ERC1: variants seen among roughly 807,000 people sequenced by gnomAD.
ERC1 encodes RAB6 interacting protein 2.
A neutral mutation model predicts 132.0 loss-of-function variants in ERC1; 56 were observed. The ratio of observed to expected loss-of-function variants is 0.42; its 90% CI spans 0.34 to 0.53. The LOEUF is 0.53. ERC1 is among the 20% of genes least tolerant of loss of function. The pLI, the probability that ERC1 is intolerant of heterozygous loss-of-function variation, is 0.03. For missense variants in ERC1, 1,202 were observed against 1,349.9 expected, an observed-to-expected ratio of 0.89 and a Z score of 1.72; for synonymous variants, 478 against 476.1, an observed-to-expected ratio of 1.00 and a Z score of -0.05.
intron 15 of ERC1, among the ~76,000 whole-genome samples, chr12:1,296,110 A>G (rs2079911856): frequency 6.6e-6 from 1 of 152,076 alleles, no homozygotes; most frequent in Non-Finnish European, 1.5e-5. Context: ...TCAACAGAGA[A>G]AGGAAAAGTA....
intron 18 of ERC1, among the ~76,000 whole-genome samples, chr12:1,454,740 A>G (rs2093494425): frequency 6.6e-6 from 1 of 152,098 alleles, no homozygotes; most frequent in South Asian, 2.1e-4. Context: ...ATTGGTGTGC[A>G]TTTTTACAGT....
At position 1,130,665 on chromosome 12, in the gene ERC1, G is replaced by T. The variant is rs1186447742; in HGVS notation, c.1570-10955G>T. ...TTTTTTAAACTATGTACTGTGGAAT[G>T]ACTCATTTCTACCTTGACTATTTTG... On this transcript the variant is annotated intron_variant, in intron 7 of 18. Transcript: ENST00000360905. Among the ~76,000 whole-genome samples, 7 of 146,368 alleles carry T rather than the reference G, an allele frequency of 4.8e-5. No homozygotes were observed. In the Admixed American group the frequency reaches 4.8e-4, roughly 10 times the overall value.
At chr12:1,310,344 A>T (rs2081215772) in intron 15 of ERC1, among the ~76,000 whole-genome samples, 2 of 151,954 alleles carry the variant, frequency 1.3e-5, no homozygotes, top group Admixed American at 1.3e-4. Flanking sequence ...GTAGCTGGGA[A>T]TACAGGTGCG....
At chr12:1,197,846 T>C (rs1026641306) in intron 12 of ERC1, among the ~76,000 whole-genome samples, 2 of 152,220 alleles carry the variant, frequency 1.3e-5, no homozygotes, top group Non-Finnish European at 1.5e-5. Flanking sequence ...ATCCCAGTTA[T>C]CATGTGCCCA....
intron 2 of ERC1, among the ~76,000 whole-genome samples, chr12:1,080,661 CA>C (rs1331166612): frequency 1.3e-5 from 2 of 152,116 alleles, no homozygotes; most frequent in African/African-American, 2.4e-5. Flanking sequence ...ATGGGTTTAT[CA>C]GGGGGTTCCG....
intron 2 of ERC1, among the ~76,000 whole-genome samples, chr12:1,069,135 A>G (rs1323167900): frequency 6.6e-6 from 1 of 152,142 alleles, no homozygotes; most frequent in Non-Finnish European, 1.5e-5. Flanking sequence ...TCTATTCCTT[A>G]TTGATGGACT....
intron 2 of ERC1, among the ~76,000 whole-genome samples, chr12:1,060,175 C>CTTTTTTTTTTTTTTTTTTTT (rs563850203): frequency 2.1e-5 from 3 of 144,168 alleles, no homozygotes; most frequent in Non-Finnish European, 3.1e-5. Flanking sequence ...AAGGCCACTT[C>CTTTTTTTTTTTTTTTTTTTT]TTTTTTTTTT....
chr12:1,189,823 G>A, intron 11 of ERC1, 36 bp from the exon 12 acceptor site: 1 of 1,539,968 alleles, frequency 6.5e-7, no homozygotes, highest in Non-Finnish European at 8.8e-7. Context: ...TGCCACCTGT[G>A]TGTATCTGAT....
chr12:1,172,698 G>A (rs773794053), intron 8 of ERC1, among the ~76,000 whole-genome samples: 1 of 151,190 alleles, frequency 6.6e-6, no homozygotes, highest in Non-Finnish European at 1.5e-5. Flanking sequence ...GTCAGGGAGA[G>A]TTTATACAAA....
chr12:1,454,733 G>A lies in ERC1; in HGVS notation c.3213+9983G>A, dbSNP rs189678201. ...AGTGGCACAGCCACCATCCTAAATTGGTGTGCATTTTTACAGTCCATATTT... is the reference window on the plus strand; with the variant it reads ...AGTGGCACAGCCACCATCCTAAATTAGTGTGCATTTTTACAGTCCATATTT... On this transcript the variant is annotated intron_variant, in intron 18 of 18. Coordinates refer to ENST00000360905, the MANE Select transcript of ERC1 (RefSeq NM_178040.4). 5.2e-4 allele frequency among the ~76,000 whole-genome samples: 79 copies of A among 152,090 alleles called. No homozygotes were observed. In the East Asian group the frequency reaches 0.01, roughly 20 times the overall value.
At chr12:1,025,824 G>T (rs970554417) in intron 1 of ERC1, among the ~76,000 whole-genome samples, 5 of 139,314 alleles carry the variant, frequency 3.6e-5, no homozygotes, top group Non-Finnish European at 7.6e-5. Flanking sequence ...TTGAGACGGA[G>T]TCTCGCTCTT....
intron 12 of ERC1, among the ~76,000 whole-genome samples, chr12:1,221,541 T>A (rs1958987521): frequency 6.6e-6 from 1 of 152,232 alleles, no homozygotes; most frequent in Non-Finnish European, 1.5e-5. Context: ...ACTTTTACGT[T>A]CTGTATTGAT....
intron 8 of ERC1, among the ~76,000 whole-genome samples, chr12:1,156,221 G>T (rs1265715791): frequency 6.6e-6 from 1 of 151,788 alleles, no homozygotes; most frequent in Non-Finnish European, 1.5e-5. Context: ...GAAGATAGGG[G>T]TTTTTCTTAT....
intron 15 of ERC1, among the ~76,000 whole-genome samples, chr12:1,346,632 A>AT (rs1456812546): frequency 6.6e-6 from 1 of 152,186 alleles, no homozygotes; most frequent in African/African-American, 2.4e-5. Flanking sequence ...GTGTTGTGAC[A>AT]TTTGTTTATT....
chr12:1,359,543 A>T (rs1354137800), intron 15 of ERC1, among the ~76,000 whole-genome samples: 1 of 152,156 alleles, frequency 6.6e-6, no homozygotes. Context: ...GGTAAGAGAA[A>T]GGCGGAAGGC....
intron 2 of ERC1, among the ~76,000 whole-genome samples, chr12:1,042,735 C>T (rs1970460566): frequency 6.6e-6 from 1 of 151,902 alleles, no homozygotes; most frequent in South Asian, 2.1e-4. Context: ...TTTTTGGGAA[C>T]TAAGTTTGTT....
At chr12:1,003,096 C>CAAAAAAAAAAAAAAAAAAAAATGA (rs59507923) in intron 1 of ERC1, among the ~76,000 whole-genome samples, 1 of 86,922 alleles carries the variant, frequency 1.2e-5, no homozygotes, top group African/African-American at 5.2e-5. Flanking sequence ...ATGAAAAATG[C>CAAAAAAAAAAAAAAAAAAAAATGA]AAAAAAAAAA....
At chr12:1,038,763 A>T (rs985681713) in intron 2 of ERC1, among the ~76,000 whole-genome samples, 4 of 152,240 alleles carry the variant, frequency 2.6e-5, no homozygotes, top group African/African-American at 9.6e-5. Context: ...AATAAAAAAT[A>T]CTGTTCAGGA....
chr12:1,207,664 A>G (rs191900532), intron 12 of ERC1, among the ~76,000 whole-genome samples: 94 of 152,294 alleles, frequency 6.2e-4, no homozygotes, highest in African/African-American at 2.2e-3. Context: ...TGATCTTCCT[A>G]ACTCTTCTAC....
Sources: allele counts gnomAD v4.1 joint callset (sites outside exome capture counted in the v4.1 genomes callset), GRCh38; gene constraint gnomAD v4.1.1; transcripts MANE v1.5; gene names NCBI Gene and HGNC (gene_info 2026-07-23, HGNC 2026-07-21).